Variants in STXBP5L observed in about 807,000 individuals in gnomAD.
STXBP5L encodes the protein syntaxin binding protein 5L.
In STXBP5L, 65 loss-of-function variants were observed where a neutral mutation model predicts 144.5. The observed-to-expected ratio is 0.45, with a 90% confidence interval of 0.37 to 0.55. The LOEUF (loss-of-function observed/expected upper bound fraction) is 0.55. Ranked by LOEUF, STXBP5L falls within the 20% of genes least tolerant of loss-of-function variation. The probability of loss-of-function intolerance (pLI) is 0.00; values close to 1 mark genes in which losing one functional copy is unlikely to be tolerated. For synonymous variants in STXBP5L, 505 were observed against 469.6 expected (o/e 1.08, Z -0.97); for missense variants, 1,298 against 1,405.5 (o/e 0.92, Z 1.22).
At position 121,399,780 on chromosome 3, in the gene STXBP5L, C is replaced by T. The variant is rs144766217; in HGVS notation, c.2588-7463C>T. Among the ~76,000 whole-genome samples, 227 of 152,320 alleles carry T rather than the reference C, an allele frequency of 1.5e-3. 1 individual carries two copies. The highest frequency in any genetic ancestry group is 3.2e-3 in the Admixed American group (49 of 15,304). ...CCACAACCTTCCAGCGTGGGCGTTA[C>T]GGCCATCATGAACATGTCACAGTGC... On this transcript the variant is annotated intron_variant, in intron 22 of 26. Coordinates refer to ENST00000471454, the MANE Select transcript of STXBP5L (RefSeq NM_001308330.2).
intron 20 of STXBP5L, among the ~76,000 whole-genome samples, chr3:121,352,164 C>G (rs1560009556): frequency 6.6e-6 from 1 of 152,064 alleles, no homozygotes; most frequent in Non-Finnish European, 1.5e-5. Flanking sequence ...CTTGGCAATG[C>G]AGGATCTTTT....
intron 19 of STXBP5L, chr3:121,282,217 C>G: frequency 6.5e-7 from 1 of 1,550,124 alleles, no homozygotes; most frequent in Non-Finnish European, 8.8e-7. Flanking sequence ...ACTTTTTTTT[C>G]TCTTTCTTCT....
intron 7 of STXBP5L, among the ~76,000 whole-genome samples, chr3:121,135,035 G>T (rs1372730799): frequency 6.6e-6 from 1 of 152,154 alleles, no homozygotes; most frequent in Non-Finnish European, 1.5e-5. Context: ...GTGTAAAAGT[G>T]TTCCTATTTC....
intron 20 of STXBP5L, among the ~76,000 whole-genome samples, chr3:121,363,478 C>T (rs1423853499): frequency 1.3e-5 from 2 of 152,186 alleles, no homozygotes; most frequent in Admixed American, 6.5e-5. Context: ...GAAATTCTCT[C>T]TCTGTGGATG....
intron 5 of STXBP5L, among the ~76,000 whole-genome samples, chr3:121,070,738 T>C (rs140759274): frequency 6.6e-6 from 1 of 152,096 alleles, no homozygotes; most frequent in Non-Finnish European, 1.5e-5. Flanking sequence ...ACAGGTGGTT[T>C]TAATATTATT....
At chr3:121,041,964 GA>G (rs1457792570) in intron 4 of STXBP5L, among the ~76,000 whole-genome samples, 183 bp downstream of exon 4, 1 of 151,840 alleles carries the variant, frequency 6.6e-6, no homozygotes, top group Non-Finnish European at 1.5e-5. Flanking sequence ...AAATTTTAAA[GA>G]AAAAAGATTG....
chr3:121,370,310 G>C (rs530340554), intron 20 of STXBP5L, among the ~76,000 whole-genome samples: 66 of 152,296 alleles, frequency 4.3e-4, no homozygotes, highest in African/African-American at 1.5e-3. Context: ...AGAGGTTGCG[G>C]TGAGCTGACA....
intron 20 of STXBP5L, among the ~76,000 whole-genome samples, chr3:121,339,849 G>C (rs900991684): frequency 1.3e-5 from 2 of 151,594 alleles, no homozygotes; most frequent in African/African-American, 4.8e-5. Flanking sequence ...ATTTAACCGG[G>C]GAGGTGAAAG....
chr3:121,221,641 T>C (rs529402437), intron 10 of STXBP5L, among the ~76,000 whole-genome samples: 2 of 151,694 alleles, frequency 1.3e-5, no homozygotes, highest in African/African-American at 2.4e-5. Flanking sequence ...AATATAAATA[T>C]ACATTTTATA....
chr3:121,284,644 C>T lies in STXBP5L; in HGVS notation c.2110+4688C>T, dbSNP rs778942436. 1.3e-3 allele frequency among the ~76,000 whole-genome samples: 194 copies of T among 152,212 alleles called. 2 individuals carry two copies. The highest frequency in any genetic ancestry group is 0.01 in the Middle Eastern group (3 of 294). ...CAGTAGGATAGAGCATGGCAGCAGA[C>T]TTTATTCTCTCACATGAACTGCCAG... On this transcript the variant is annotated intron_variant, in intron 19 of 26. Coordinates refer to ENST00000471454, the MANE Select transcript of STXBP5L (RefSeq NM_001308330.2).
chr3:121,054,419 G>T (rs553841983), intron 5 of STXBP5L, among the ~76,000 whole-genome samples: 1 of 152,048 alleles, frequency 6.6e-6, no homozygotes. Context: ...CCATAAAAAG[G>T]ATGAGTTCAT....
At chr3:120,992,633 T>A (rs948468634) in intron 3 of STXBP5L, among the ~76,000 whole-genome samples, 1 of 152,200 alleles carries the variant, frequency 6.6e-6, no homozygotes, top group African/African-American at 2.4e-5. Flanking sequence ...GACAGGATTT[T>A]ATTCTTTTTT....
intron 14 of STXBP5L, among the ~76,000 whole-genome samples, chr3:121,246,834 A>G (rs1261058983): frequency 1.3e-5 from 2 of 152,214 alleles, no homozygotes; most frequent in African/African-American, 2.4e-5. Flanking sequence ...CACAAAATGT[A>G]GTAGATATTA....
At chr3:120,933,723 A>C (rs1710091808) in intron 2 of STXBP5L, among the ~76,000 whole-genome samples, 1 of 152,140 alleles carries the variant, frequency 6.6e-6, no homozygotes, top group African/African-American at 2.4e-5. Flanking sequence ...ATTCAAGATG[A>C]AAATTCCAGA....
chr3:121,168,949 G>T (rs2046600774), intron 9 of STXBP5L, among the ~76,000 whole-genome samples: 1 of 152,150 alleles, frequency 6.6e-6, no homozygotes, highest in South Asian at 2.1e-4. Flanking sequence ...GAAAGGTCAG[G>T]TTACCCACAA....
At chr3:120,939,964 A>G (rs1472940918) in intron 2 of STXBP5L, among the ~76,000 whole-genome samples, 2 of 152,144 alleles carry the variant, frequency 1.3e-5, no homozygotes, top group Non-Finnish European at 2.9e-5. Context: ...GAACTGAACT[A>G]CGTCTCCTGA....
chr3:121,358,481 AG>A (rs1356349842), intron 20 of STXBP5L, among the ~76,000 whole-genome samples: 1 of 152,124 alleles, frequency 6.6e-6, no homozygotes, highest in East Asian at 1.9e-4. Flanking sequence ...GAGAGAGCAA[AG>A]GGGGCAGTGC....
chr3:121,274,358 G>A (rs938693109), intron 18 of STXBP5L, among the ~76,000 whole-genome samples: 1 of 152,240 alleles, frequency 6.6e-6, no homozygotes, highest in African/African-American at 2.4e-5. Flanking sequence ...AAATACTGCA[G>A]GTATCCATGG....
chr3:121,332,388 C>T (rs1325510183), intron 20 of STXBP5L, among the ~76,000 whole-genome samples: 1 of 134,628 alleles, frequency 7.4e-6, no homozygotes, highest in Non-Finnish European at 1.6e-5. Flanking sequence ...AAAAACTTTT[C>T]TATAGAGATA....
Sources: allele counts gnomAD v4.1 joint callset (sites outside exome capture counted in the v4.1 genomes callset), GRCh38; gene constraint gnomAD v4.1.1; transcripts MANE v1.5; gene names NCBI Gene and HGNC (gene_info 2026-07-23, HGNC 2026-07-21).